SGCZ: variants seen among roughly 807,000 people sequenced by gnomAD.
SGCZ encodes sarcoglycan zeta.
A neutral mutation model predicts 41.3 loss-of-function variants in SGCZ; 40 were observed. The ratio of observed to expected loss-of-function variants is 0.97; its 90% CI spans 0.75 to 1.26. SGCZ has a LOEUF of 1.26. Among genes scored for constraint, SGCZ ranks in the 50% most tolerant of loss-of-function variants. The probability of loss-of-function intolerance (pLI) is 0.00; values close to 1 mark genes in which losing one functional copy is unlikely to be tolerated. For synonymous variants in SGCZ, 206 were observed against 137.5 expected (o/e 1.50, Z -3.49); for missense variants, 552 against 369.8 (o/e 1.49, Z -4.04).
intron 1 of SGCZ, among the ~76,000 whole-genome samples, chr8:14,645,489 T>C (rs1305146117): frequency 6.9e-6 from 1 of 145,950 alleles, no homozygotes; most frequent in Admixed American, 6.9e-5. Context: ...TATATGTATA[T>C]ATATATATAT....
At position 14,336,103 on chromosome 8, in the gene SGCZ, T is replaced by C. The variant is rs369463326; in HGVS notation, c.235-11899A>G. On this transcript the variant is annotated intron_variant, in intron 2 of 7. Transcript: ENST00000382080. ...CTCTAGTAGACCCCAGTGTATATTG[T>C]TTCCCCCATGTGTCCATGTGTTCCC... 6.5e-4 allele frequency among the ~76,000 whole-genome samples: 99 copies of C among 152,188 alleles called. 1 individual carries two copies. The South Asian group carries it at 0.02, about 31-fold the overall frequency.
chr8:14,316,689 G>C (rs1240365538), intron 3 of SGCZ, among the ~76,000 whole-genome samples: 1 of 151,696 alleles, frequency 6.6e-6, no homozygotes, highest in Non-Finnish European at 1.5e-5. Context: ...GACTGTGATT[G>C]GCTGTTTCAC....
intron 7 of SGCZ, among the ~76,000 whole-genome samples, chr8:14,093,128 A>G (rs534417610): frequency 6.6e-6 from 1 of 152,178 alleles, no homozygotes; most frequent in African/African-American, 2.4e-5. Flanking sequence ...TATATAGCTT[A>G]TGATTGTCTG....
intron 3 of SGCZ, among the ~76,000 whole-genome samples, chr8:14,281,910 A>G (rs1800456629): frequency 6.6e-6 from 1 of 151,994 alleles, no homozygotes; most frequent in African/African-American, 2.4e-5. Flanking sequence ...TCAAACGATA[A>G]TTATTTTTCT....
intron 4 of SGCZ, among the ~76,000 whole-genome samples, chr8:14,223,588 TA>T (rs1470338026): frequency 6.6e-6 from 1 of 152,110 alleles, no homozygotes; most frequent in African/African-American, 2.4e-5. Context: ...TAACAGGGAA[TA>T]AATATAAAAC....
At chr8:14,405,673 GA>G (rs1563308465) in intron 2 of SGCZ, among the ~76,000 whole-genome samples, 1 of 152,078 alleles carries the variant, frequency 6.6e-6, no homozygotes. Context: ...TGTGTTTTGT[GA>G]CCATATCAAA....
chr8:14,143,610 C>T (rs533030683), intron 5 of SGCZ, among the ~76,000 whole-genome samples: 4 of 152,112 alleles, frequency 2.6e-5, no homozygotes, highest in Non-Finnish European at 4.4e-5. Flanking sequence ...CCAATCATCC[C>T]CTACTGCAAG....
intron 1 of SGCZ, among the ~76,000 whole-genome samples, chr8:15,230,323 C>T (rs1415591402): frequency 2.0e-5 from 3 of 152,028 alleles, no homozygotes; most frequent in African/African-American, 4.8e-5. Flanking sequence ...TACCATCAGA[C>T]GTTCTTTAAG....
At chr8:15,059,016 T>A (rs1398125291) in intron 1 of SGCZ, among the ~76,000 whole-genome samples, 1 of 152,172 alleles carries the variant, frequency 6.6e-6, no homozygotes, top group African/African-American at 2.4e-5. Flanking sequence ...ACATTTTTTA[T>A]GTTTTTTGTA....
At chr8:14,915,705 A>G (rs1799414210) in intron 1 of SGCZ, among the ~76,000 whole-genome samples, 1 of 151,964 alleles carries the variant, frequency 6.6e-6, no homozygotes, top group Admixed American at 6.6e-5. Flanking sequence ...TAGTAAATCA[A>G]ACACCACCTT....
chr8:14,340,452 C>T (rs1031331681), intron 2 of SGCZ, among the ~76,000 whole-genome samples: 3 of 152,098 alleles, frequency 2.0e-5, no homozygotes, highest in Non-Finnish European at 4.4e-5. Context: ...TTTATTGCAA[C>T]ACATTACAGT....
At chr8:14,360,092 G>T (rs1338370835) in intron 2 of SGCZ, among the ~76,000 whole-genome samples, 1 of 151,916 alleles carries the variant, frequency 6.6e-6, no homozygotes, top group Non-Finnish European at 1.5e-5. Flanking sequence ...CAAAAAACTG[G>T]GTATAGAAGA....
intron 2 of SGCZ, among the ~76,000 whole-genome samples, chr8:14,399,430 G>A (rs1051552753): frequency 1.3e-5 from 2 of 151,954 alleles, no homozygotes; most frequent in Non-Finnish European, 1.5e-5. Flanking sequence ...TTGACAGGCT[G>A]GACTTCTGTT....
At chr8:14,582,752 T>C (rs1482540721) in intron 1 of SGCZ, among the ~76,000 whole-genome samples, 1 of 147,648 alleles carries the variant, frequency 6.8e-6, no homozygotes, top group Non-Finnish European at 1.5e-5. Flanking sequence ...AGTGAGAACA[T>C]GTGGTGTTTG....
chr8:15,165,002 T>G (rs960260768), intron 1 of SGCZ, among the ~76,000 whole-genome samples: 14 of 152,114 alleles, frequency 9.2e-5, no homozygotes, highest in African/African-American at 3.4e-4. Flanking sequence ...TCAAAAGAGC[T>G]CTAATTAGGC....
chr8:15,211,911 G>C (rs1801248041), intron 1 of SGCZ, among the ~76,000 whole-genome samples: 1 of 152,030 alleles, frequency 6.6e-6, no homozygotes, highest in Non-Finnish European at 1.5e-5. Flanking sequence ...TTTGGAATAA[G>C]GTTTCTAGTT....
At chr8:14,580,979 G>A (rs868483420) in intron 1 of SGCZ, among the ~76,000 whole-genome samples, 74 of 152,316 alleles carry the variant, frequency 4.9e-4, no homozygotes, top group Middle Eastern at 6.8e-3. Context: ...AGTAGTAAAT[G>A]CCTTTCTTGA....
intron 1 of SGCZ, among the ~76,000 whole-genome samples, chr8:14,782,889 A>G (rs1010116474): frequency 6.6e-5 from 10 of 152,306 alleles, no homozygotes; most frequent in African/African-American, 2.2e-4. Context: ...ATGGTATCTC[A>G]TCTAATCTAG....
At chr8:14,300,803 A>T (rs898375251) in intron 3 of SGCZ, among the ~76,000 whole-genome samples, 1 of 151,866 alleles carries the variant, frequency 6.6e-6, no homozygotes, top group Non-Finnish European at 1.5e-5. Flanking sequence ...TCCTTTGCCT[A>T]TTTTCTAATC....
Sources: allele counts gnomAD v4.1 joint callset (sites outside exome capture counted in the v4.1 genomes callset), GRCh38; gene constraint gnomAD v4.1.1; transcripts MANE v1.5; gene names NCBI Gene and HGNC (gene_info 2026-07-23, HGNC 2026-07-21).